The following PDE4B variants were observed in gnomAD, a reference collection of about 807,000 sequenced individuals.
The protein encoded by PDE4B is 3',5'-cyclic-AMP phosphodiesterase 4B.
PDE4B carries 20 observed loss-of-function variants against 82.2 expected under a neutral mutation model. That is an observed-to-expected ratio of 0.24 (90% CI 0.17 to 0.35). The LOEUF is 0.35. Ranked by LOEUF, PDE4B falls within the 10% of genes least tolerant of loss-of-function variation. PDE4B has a pLI of 1.00. For missense variants in PDE4B, 655 were observed against 907.2 expected (o/e 0.72, Z 3.57); for synonymous variants, 320 against 318.9 (o/e 1.00, Z -0.04).
At chr1:65,855,806 G>T (rs1646385805) in intron 1 of PDE4B, among the ~76,000 whole-genome samples, 2 of 151,994 alleles carry the variant, frequency 1.3e-5, no homozygotes, top group African/African-American at 4.8e-5. Context: ...ACTGTGTTCT[G>T]CTTGGGATCT....
chr1:66,102,958 T>C (rs1645256128), intron 3 of PDE4B, among the ~76,000 whole-genome samples: 1 of 152,232 alleles, frequency 6.6e-6, no homozygotes, highest in Middle Eastern at 3.4e-3. Flanking sequence ...AGTCTACTTC[T>C]AAGGAAATTA....
At chr1:66,294,291 C>G (rs1657337209) in intron 7 of PDE4B, among the ~76,000 whole-genome samples, 1 of 152,102 alleles carries the variant, frequency 6.6e-6, no homozygotes, top group African/African-American at 2.4e-5. Context: ...GAAGATATAT[C>G]TAGCATTAGA....
chr1:65,794,366 T>G (rs553887380), intron 1 of PDE4B, among the ~76,000 whole-genome samples: 1 of 152,166 alleles, frequency 6.6e-6, no homozygotes, highest in Non-Finnish European at 1.5e-5. Context: ...TAGATCATAC[T>G]CCCCCTCCGT....
At chr1:66,191,697 G>A (rs993797082) in intron 3 of PDE4B, among the ~76,000 whole-genome samples, 13 of 152,220 alleles carry the variant, frequency 8.5e-5, no homozygotes, top group African/African-American at 1.4e-4. Context: ...CCCTTTTCAC[G>A]CTGCTGATAA....
At chr1:65,959,071 T>G (rs1281710975) in intron 3 of PDE4B, among the ~76,000 whole-genome samples, 1 of 152,214 alleles carries the variant, frequency 6.6e-6, no homozygotes, top group Non-Finnish European at 1.5e-5. Flanking sequence ...TCCTGTAGGC[T>G]AACACCGCTG....
At chr1:66,182,571 A>T (rs537969983) in intron 3 of PDE4B, among the ~76,000 whole-genome samples, 1 of 152,266 alleles carries the variant, frequency 6.6e-6, no homozygotes, top group East Asian at 1.9e-4. Flanking sequence ...ATGATAAAGT[A>T]CCTTTGATTT....
At chr1:66,134,577 G>A (rs1646017561) in intron 3 of PDE4B, among the ~76,000 whole-genome samples, 1 of 152,168 alleles carries the variant, frequency 6.6e-6, no homozygotes, top group Non-Finnish European at 1.5e-5. Flanking sequence ...GGAAGCATAG[G>A]TACACGTTCC....
At chr1:66,326,858 T>G (rs918709501) in intron 7 of PDE4B, among the ~76,000 whole-genome samples, 1 of 152,206 alleles carries the variant, frequency 6.6e-6, no homozygotes, top group Non-Finnish European at 1.5e-5. Flanking sequence ...CTCAGTTTTC[T>G]CAACTGTATT....
chr1:66,229,524 G>A (rs1292283282), intron 3 of PDE4B, among the ~76,000 whole-genome samples: 2 of 152,174 alleles, frequency 1.3e-5, no homozygotes, highest in African/African-American at 4.8e-5. Context: ...TCTGTTACAA[G>A]GCAGCCACCA....
Position 66,266,035 on chromosome 1 carries a change from C to T in PDE4B, c.585-3C>T, listed in dbSNP as rs200851592. 1 of 1,612,546 alleles carries T rather than the reference C, an allele frequency of 6.2e-7. No individual in the cohort carries two copies. The highest frequency in any genetic ancestry group is 1.1e-5 in the South Asian group (1 of 91,058). ...TCAGTCCTTCTTTTCTCTGTCTCCA[C>T]AGGAGGTCCCCAGCTGCTAGTCAGC... On this transcript the variant is annotated splice_polypyrimidine_tract_variant and splice_region_variant and intron_variant, in intron 6 of 16. Coordinates refer to ENST00000341517, the MANE Select transcript of PDE4B (RefSeq NM_002600.4).
chr1:66,015,908 T>C (rs1652749358), intron 3 of PDE4B, among the ~76,000 whole-genome samples: 1 of 152,190 alleles, frequency 6.6e-6, no homozygotes, highest in South Asian at 2.1e-4. Context: ...ATTTATTTAT[T>C]CACTTTTCAA....
intron 3 of PDE4B, among the ~76,000 whole-genome samples, chr1:65,943,444 G>C (rs1374329972): frequency 6.6e-6 from 1 of 151,912 alleles, no homozygotes; most frequent in African/African-American, 2.4e-5. Context: ...GGTGCCTTCA[G>C]CTTTGTTATT....
chr1:66,186,908 T>C (rs1647241125), intron 3 of PDE4B, among the ~76,000 whole-genome samples: 1 of 152,202 alleles, frequency 6.6e-6, no homozygotes, highest in African/African-American at 2.4e-5. Context: ...CCCTGTCTTG[T>C]GCCAGTTTTC....
At chr1:66,009,949 C>T (rs1430760184) in intron 3 of PDE4B, among the ~76,000 whole-genome samples, 1 of 145,216 alleles carries the variant, frequency 6.9e-6, no homozygotes, top group African/African-American at 2.8e-5. Flanking sequence ...ATCTATCTAT[C>T]TATCATCTAT....
intron 3 of PDE4B, among the ~76,000 whole-genome samples, chr1:65,965,342 G>A (rs1297904995): frequency 2.6e-5 from 4 of 152,034 alleles, no homozygotes; most frequent in African/African-American, 9.7e-5. Context: ...AGTGAAATTG[G>A]TGCAGGATCC....
intron 3 of PDE4B, among the ~76,000 whole-genome samples, chr1:66,008,431 T>A (rs2100730672): frequency 6.6e-6 from 1 of 152,228 alleles, no homozygotes; most frequent in Non-Finnish European, 1.5e-5. Flanking sequence ...GGCCACCCCT[T>A]ACTGTGCACT....
rs535123361 is a variant in PDE4B, at chr1:66,329,764, A to T, written c.635-2744A>T. Among the ~76,000 whole-genome samples the T allele has an allele frequency of 7.2e-5, 11 of 152,278 alleles. No individual in the cohort carries two copies. The South Asian group carries it at 2.3e-3, about 32-fold the overall frequency. On this transcript the variant is annotated intron_variant, in intron 7 of 16. Coordinates refer to ENST00000341517, the MANE Select transcript of PDE4B (RefSeq NM_002600.4). ...TTATCCTTCTTCTACAGATGTATGA[A>T]ATTGAGGTCTAGGACCACACAGTAA...
chr1:66,373,029 A>C lies in PDE4B; in HGVS notation c.*351A>C. On this transcript the variant is annotated 3_prime_UTR_variant, in exon 17 of 17. Transcript: ENST00000341517. ...CAGTGACTGAACTCACTGACTAATA[A>C]CTTCATTTATGAATCTTCTCACTTG... 1 of 204,076 alleles carries C rather than the reference A, an allele frequency of 4.9e-6. No individual in the cohort carries two copies. The allele number at this position is 204,076 out of a possible 1,614,324, so 12.6% of individuals were successfully genotyped here.
Position 65,826,264 on chromosome 1 carries a change from C to A in PDE4B, c.-71+33016C>A, listed in dbSNP as rs1646016326. On this transcript the variant is annotated intron_variant, in intron 1 of 16. Transcript: ENST00000341517. ...TGTCCCTGCCTCCTAAGTTACTGAT[C>A]ATTGGACTTAAAGCATAGATATTTA... is the stretch of plus-strand genomic sequence containing the variant. 2.0e-5 allele frequency among the ~76,000 whole-genome samples: 3 copies of A among 152,242 alleles called. No individual in the cohort carries two copies. The South Asian group carries it at 6.2e-4, about 32-fold the overall frequency.
Sources: gnomAD v4.1 joint callset for allele counts (sites outside exome capture counted in the v4.1 genomes callset) on GRCh38, gnomAD v4.1.1 for gene constraint, MANE v1.5 for transcripts, NCBI Gene and HGNC (gene_info 2026-07-23, HGNC 2026-07-21) for gene names.